ZNF280C: variants seen among roughly 807,000 people sequenced by gnomAD.
ZNF280C encodes the protein suppressor of hairy wing homolog 3.
ZNF280C carries 14 observed loss-of-function variants against 53.6 expected under a neutral mutation model. That is an observed-to-expected ratio of 0.26 (90% CI 0.17 to 0.41). ZNF280C has a LOEUF of 0.41. Ranked by LOEUF, ZNF280C falls within the 10% of genes least tolerant of loss-of-function variation. The pLI is 1.00. For missense variants in ZNF280C, 416 were observed against 547.1 expected, an observed-to-expected ratio of 0.76 and a Z score of 2.39; for synonymous variants, 203 against 181.1, an observed-to-expected ratio of 1.12 and a Z score of -0.97.
chrX:130,209,934 G>A (rs2032023293), intron 15 of ZNF280C, among the ~76,000 whole-genome samples: 1 of 111,417 alleles, frequency 9.0e-6, no homozygotes, highest in Non-Finnish European at 1.9e-5. Flanking sequence ...GGCATTAAGA[G>A]GTGGGGCCTT....
At chrX:130,244,791 AAAAAAAAAAG>A (rs1173766663) in intron 3 of ZNF280C, among the ~76,000 whole-genome samples, 1 of 90,207 alleles carries the variant, frequency 1.1e-5, no homozygotes, top group African/African-American at 4.8e-5. Context: ...AAAAAAAAAA[AAAAAAAAAAG>A]AGAGAAAAGA....
intron 2 of ZNF280C, among the ~76,000 whole-genome samples, chrX:130,248,488 T>C (rs1007586386): frequency 9.0e-6 from 1 of 111,361 alleles, no homozygotes; most frequent in Non-Finnish European, 1.9e-5. Context: ...AGAGGGTTTG[T>C]TGCAGGAACA....
At chrX:130,228,620 T>C (rs932051789) in intron 10 of ZNF280C, among the ~76,000 whole-genome samples, 4 of 30,601 alleles carry the variant, frequency 1.3e-4, no homozygotes, top group African/African-American at 1.1e-3. Flanking sequence ...TCTTCTACTT[T>C]TTTTTTTTTT....
At chrX:130,239,853 G>A (rs552152947) in intron 5 of ZNF280C, among the ~76,000 whole-genome samples, 160 bp from the exon 6 acceptor site, 2 of 111,234 alleles carry the variant, frequency 1.8e-5, no homozygotes, top group African/African-American at 6.5e-5. Context: ...ACTGGGTGAG[G>A]AGTATATGGG....
At chrX:130,221,952 C>T (rs2032168743) in intron 12 of ZNF280C, among the ~76,000 whole-genome samples, 1 of 111,347 alleles carries the variant, frequency 9.0e-6, no homozygotes, top group African/African-American at 3.3e-5. Context: ...GGCTTACATT[C>T]TCTTGCTACA....
chrX:130,227,862 A>G (rs1372607812), intron 10 of ZNF280C, 80 bp from the exon 11 acceptor site: 1 of 522,248 alleles, frequency 1.9e-6, no homozygotes, highest in Non-Finnish European at 3.3e-6. Flanking sequence ...ACAACAAGTA[A>G]TAATAATAGT....
At chrX:130,251,305 A>AAAAAAAAAAAAAAAAAAAC in intron 2 of ZNF280C, among the ~76,000 whole-genome samples, 3 of 103,792 alleles carry the variant, frequency 2.9e-5, no homozygotes, top group African/African-American at 7.0e-5. Flanking sequence ...AAAAAAAAAA[A>AAAAAAAAAAAAAAAAAAAC]AAGACCAGCA....
intron 12 of ZNF280C, among the ~76,000 whole-genome samples, chrX:130,223,044 T>C (rs2032185746): frequency 9.0e-6 from 1 of 110,557 alleles, no homozygotes; most frequent in Admixed American, 9.6e-5. Flanking sequence ...GCATACTATA[T>C]GGTTTTTGGG....
chrX:130,265,057 T>C (rs2032673616), intron 1 of ZNF280C, among the ~76,000 whole-genome samples: 1 of 112,074 alleles, frequency 8.9e-6, no homozygotes, highest in Non-Finnish European at 1.9e-5. Flanking sequence ...TGTCCAAGTT[T>C]TTATACTATG....
chrX:130,217,346 A>G (rs1277646425), intron 13 of ZNF280C, among the ~76,000 whole-genome samples: 4 of 112,398 alleles, frequency 3.6e-5, no homozygotes, highest in Non-Finnish European at 7.5e-5. Flanking sequence ...ACCAGTCCCT[A>G]AAGATGGCAT....
intron 13 of ZNF280C, 65 bp downstream of exon 13, chrX:130,220,284 A>T: frequency 9.7e-7 from 1 of 1,031,416 alleles, no homozygotes; most frequent in Non-Finnish European, 1.3e-6. Context: ...CCATAATAAA[A>T]AAAAAAACAT....
chrX:130,243,340 T>C (rs2032414171), intron 5 of ZNF280C, among the ~76,000 whole-genome samples: 1 of 111,508 alleles, frequency 9.0e-6, no homozygotes, highest in African/African-American at 3.3e-5. Context: ...TGCACCACTA[T>C]GCCCAGCTAA....
At chrX:130,205,593 C>T (rs1012177608) in intron 16 of ZNF280C, among the ~76,000 whole-genome samples, 178 bp from the exon 17 acceptor site, 1 of 111,225 alleles carries the variant, frequency 9.0e-6, no homozygotes, top group Non-Finnish European at 1.9e-5. Context: ...AAAATGGCAT[C>T]GCTGGCCAGG....
At chrX:130,245,506 T>C (rs1375598447) in intron 3 of ZNF280C, among the ~76,000 whole-genome samples, 2 of 111,938 alleles carry the variant, frequency 1.8e-5, no homozygotes, top group Non-Finnish European at 3.8e-5. Flanking sequence ...GAGAATTCAA[T>C]TGGCTAAATT....
At chrX:130,245,481 A>C (rs759335494) in intron 3 of ZNF280C, among the ~76,000 whole-genome samples, 239 of 112,145 alleles carry the variant, frequency 2.1e-3, no homozygotes, top group Non-Finnish European at 3.8e-3. Context: ...CCAATTTGCC[A>C]CAGGAAATGA....
At chrX:130,210,901 CAA>C (rs780993245) in intron 15 of ZNF280C, among the ~76,000 whole-genome samples, 10 of 112,390 alleles carry the variant, frequency 8.9e-5, no homozygotes, top group African/African-American at 3.2e-4. Flanking sequence ...GTTAGAAACA[CAA>C]AGTTTCAGGC....
chrX:130,245,738 T>C (rs2032442345), intron 3 of ZNF280C, among the ~76,000 whole-genome samples: 1 of 111,518 alleles, frequency 9.0e-6, no homozygotes, highest in African/African-American at 3.3e-5. Flanking sequence ...CTTTCTCTCC[T>C]GAAATTCAGT....
intron 16 of ZNF280C, among the ~76,000 whole-genome samples, 182 bp from the exon 17 acceptor site, chrX:130,205,597 G>T (rs2031964282): frequency 9.1e-6 from 1 of 110,225 alleles, no homozygotes; most frequent in African/African-American, 3.3e-5. Flanking sequence ...TGGCATCGCT[G>T]GCCAGGCACG....
At chrX:130,226,998 G>A in intron 11 of ZNF280C, 93 bp from the exon 12 acceptor site, 1 of 808,986 alleles carries the variant, frequency 1.2e-6, no homozygotes, top group Non-Finnish European at 1.8e-6. Context: ...CTGTTTGGAA[G>A]AACATGTACT....
Sources: gnomAD v4.1 joint callset for allele counts (sites outside exome capture counted in the v4.1 genomes callset) on GRCh38, gnomAD v4.1.1 for gene constraint, MANE v1.5 for transcripts, NCBI Gene and HGNC (gene_info 2026-07-23, HGNC 2026-07-21) for gene names.